SEL1L3: variants seen among roughly 807,000 people sequenced by gnomAD.
SEL1L3 encodes the protein protein sel-1 homolog 3.
In SEL1L3, 76 loss-of-function variants were observed where a neutral mutation model predicts 142.8. That is an observed-to-expected ratio of 0.53 (90% CI 0.44 to 0.64). The LOEUF is 0.64. Ranked by LOEUF, SEL1L3 falls within the 30% of genes least tolerant of loss-of-function variation. The probability of loss-of-function intolerance (pLI) is 0.00; values close to 1 mark genes in which losing one functional copy is unlikely to be tolerated. For missense variants in SEL1L3, 1,262 were observed against 1,381.7 expected, an observed-to-expected ratio of 0.91 and a Z score of 1.37; for synonymous variants, 504 against 519.6, an observed-to-expected ratio of 0.97 and a Z score of 0.41.
chr4:25,839,620 A>G (rs2109297264), intron 2 of SEL1L3, among the ~76,000 whole-genome samples: 1 of 152,286 alleles, frequency 6.6e-6, no homozygotes, highest in Non-Finnish European at 1.5e-5. Flanking sequence ...ACACAACTTA[A>G]CGCTTGTATG....
At chr4:25,724,957 C>G in the SEL1L3 span, among the ~76,000 whole-genome samples, 2 of 151,866 alleles carry the variant, frequency 1.3e-5, no homozygotes, top group African/African-American at 4.8e-5. Flanking sequence ...TCAAATCTGT[C>G]GGGCATGTCT....
the SEL1L3 span, chr4:25,720,104 C>T: frequency 6.6e-6 from 1 of 152,156 alleles, no homozygotes; most frequent in Non-Finnish European, 1.5e-5. Flanking sequence ...ACCAATTCAA[C>T]TCAGTCTAAC....
intron 2 of SEL1L3, among the ~76,000 whole-genome samples, chr4:25,846,857 C>T (rs924981526): frequency 3.0e-5 from 4 of 133,216 alleles, no homozygotes; most frequent in Admixed American, 1.8e-4. Context: ...TGCAGTGAGC[C>T]GAGTGAGATC....
In SEL1L3 at chr4:25,800,667, T is replaced by TA. The variant is rs1206448129; in HGVS notation, c.1956+1615_1956+1616insT. On this transcript the variant is annotated intron_variant, in intron 11 of 23. Coordinates refer to ENST00000399878, the MANE Select transcript of SEL1L3 (RefSeq NM_015187.5). ...AAATTTTTTTAGAACAATTCTTTTTTTAAAAAAAACTTTACCAATTAATAA... is the reference window on the plus strand; with the variant it reads ...AAATTTTTTTAGAACAATTCTTTTTTATAAAAAAAACTTTACCAATTAATAA... Among the ~76,000 whole-genome samples the TA allele has an allele frequency of 2.7e-4, 41 of 152,332 alleles. 1 individual carries two copies. Among genetic ancestry groups the TA allele is most frequent in the Middle Eastern group, 3.4e-3 (1 of 294 alleles).
intron 11 of SEL1L3, among the ~76,000 whole-genome samples, chr4:25,795,911 C>T (rs78830971): frequency 0.029 from 4,307 of 149,324 alleles, 223 homozygotes; most frequent in African/African-American, 0.1. Context: ...CGGGAAGAAG[C>T]TGTGGACTGG....
chr4:25,859,070 G>C (rs929429246), intron 1 of SEL1L3, among the ~76,000 whole-genome samples: 17 of 152,234 alleles, frequency 1.1e-4, no homozygotes, highest in African/African-American at 4.1e-4. Context: ...TTGTTTTCTG[G>C]AAGTGCCATT....
At chr4:25,717,783 AC>A in the SEL1L3 span, among the ~76,000 whole-genome samples, 1 of 152,220 alleles carries the variant, frequency 6.6e-6, no homozygotes, top group Non-Finnish European at 1.5e-5. Context: ...TGGGCAAGTC[AC>A]GTAATCTCTT....
At chr4:25,835,945 C>T (rs1715789225) in intron 2 of SEL1L3, among the ~76,000 whole-genome samples, 2 of 152,184 alleles carry the variant, frequency 1.3e-5, no homozygotes, top group African/African-American at 2.4e-5. Flanking sequence ...TTATTATCCT[C>T]ATTTAACAGA....
At position 25,815,187 on chromosome 4, in the gene SEL1L3, G is replaced by A. The variant is rs947759876; in HGVS notation, c.1564+2951C>T. 6.6e-5 allele frequency among the ~76,000 whole-genome samples: 10 copies of A among 152,206 alleles called. No homozygotes were observed. The East Asian group carries it at 1.9e-3, about 29-fold the overall frequency. On this transcript the variant is annotated intron_variant, in intron 9 of 23. Coordinates refer to ENST00000399878, the MANE Select transcript of SEL1L3 (RefSeq NM_015187.5). ...CCCTCGGGGGAAGCTCCTTGGTGCTGTTCTAATTTGGCACCAGAAGACCCC... is the reference window on the plus strand; with the variant it reads ...CCCTCGGGGGAAGCTCCTTGGTGCTATTCTAATTTGGCACCAGAAGACCCC...
chr4:25,752,996 TCTG>T (rs1183678844), intron 23 of SEL1L3, among the ~76,000 whole-genome samples: 1 of 152,278 alleles, frequency 6.6e-6, no homozygotes, highest in Non-Finnish European at 1.5e-5. Context: ...TACTACTATT[TCTG>T]CTATTTACGG....
At chr4:25,850,857 GT>G (rs530598915) in intron 1 of SEL1L3, among the ~76,000 whole-genome samples, 35 of 146,114 alleles carry the variant, frequency 2.4e-4, no homozygotes, top group Admixed American at 3.4e-4. Context: ...TTGTTTGTTT[GT>G]TTTTTTTTTT....
chr4:25,860,030 G>A (rs779498460), intron 1 of SEL1L3, among the ~76,000 whole-genome samples: 12 of 152,316 alleles, frequency 7.9e-5, no homozygotes, highest in Non-Finnish European at 1.8e-4. Flanking sequence ...TAGAGCTGGG[G>A]CTCTGGAGGG....
chr4:25,762,246 G>A (rs1410623769), intron 20 of SEL1L3, among the ~76,000 whole-genome samples: 1 of 152,194 alleles, frequency 6.6e-6, no homozygotes, highest in African/African-American at 2.4e-5. Flanking sequence ...ACTGTGCCCG[G>A]CCTCATAAAA....
intron 21 of SEL1L3, among the ~76,000 whole-genome samples, chr4:25,758,291 T>C (rs1351747899): frequency 2.0e-5 from 3 of 152,108 alleles, no homozygotes; most frequent in East Asian, 1.9e-4. Flanking sequence ...GCCATCATGG[T>C]GAAACCCTGT....
rs762303236 is a variant in SEL1L3, at chr4:25,749,560, C to T, written c.3260-996G>A. Among the ~76,000 whole-genome samples, 8 of 152,294 alleles carry T rather than the reference C, an allele frequency of 5.3e-5. No homozygotes were observed. In the South Asian group the frequency reaches 1.5e-3, roughly 28 times the overall value. On this transcript the variant is annotated intron_variant, in intron 23 of 23. Coordinates refer to ENST00000399878, the MANE Select transcript of SEL1L3 (RefSeq NM_015187.5). ...ACTGCACAAGCCCCCCACAGCCCGGCCTAATTTTAAAGTGGCCTCTTTGTC... is the reference window on the plus strand; with the variant it reads ...ACTGCACAAGCCCCCCACAGCCCGGTCTAATTTTAAAGTGGCCTCTTTGTC...
intron 11 of SEL1L3, among the ~76,000 whole-genome samples, chr4:25,801,859 G>C (rs558546416): frequency 3.3e-5 from 5 of 152,138 alleles, no homozygotes; most frequent in African/African-American, 1.2e-4. Flanking sequence ...GACATTGCTT[G>C]CTCATCACAC....
At position 25,847,530 on chromosome 4, in the gene SEL1L3, A is replaced by G. The variant is rs1469911246; in HGVS notation, c.497T>C (p.Ile166Thr). The change falls in exon 2 of 24, where the codon ATC becomes ACC. Residue 166 changes from isoleucine (I) to threonine (T), a missense_variant. Physicochemically the swap from Ile to Thr is moderately conservative, Grantham distance 89 (BLOSUM62 -1). Transcript: ENST00000399878. ...YRDDYFIRHS[I>T]SVSAVIVRAW... ...GCGTACTATCACTGCAGATACAGAG[A>G]TGGAATGTCTGATGAAATAATCATC... The G allele has an allele frequency of 6.2e-7, 1 of 1,613,890 alleles. No individual in the cohort carries two copies. The highest frequency in any genetic ancestry group is 8.5e-7 in the Non-Finnish European group (1 of 1,179,762).
Position 25,788,327 on chromosome 4 carries a change from C to A in SEL1L3, c.2114G>T (p.Gly705Val), listed in dbSNP as rs1486588721. Residue 705 changes from glycine to valine, a missense_variant, in exon 13 of 24, where the codon GGT becomes GTT. Around this residue, in one of 3 missense-constraint regions of SEL1L3, gnomAD observed 435 missense variants for 559.2 expected, o/e 0.78. Transcript: ENST00000399878. The surrounding 1 kb of genome is among the most constrained non-coding windows in gnomAD (Gnocchi z 5.3). ...TGCTGCTTCGGGATTCTTGGCCACA[C>A]CTTGCTGCCCCCAGAACAGCATCTG... ...LAQMLFWGQQ[G>V]VAKNPEAAIE... is the part of the protein sequence containing the mutation. The A allele has an allele frequency of 2.5e-6, 4 of 1,613,970 alleles. No individual in the cohort carries two copies. Among genetic ancestry groups the A allele is most frequent in the Non-Finnish European group, 3.4e-6 (4 of 1,179,876 alleles).
rs189848375 is a variant in SEL1L3 at position 25,775,060 on chromosome 4, G to C, written c.2669+1217C>G. On this transcript the variant is annotated intron_variant, in intron 17 of 23. Coordinates refer to ENST00000399878, the MANE Select transcript of SEL1L3 (RefSeq NM_015187.5). Reference sequence around the variant, plus strand: ...GTTTGTAGGGAGCAGAGGGTGGGAGGTTGGGAAAGCGAGAAGCAGAGAATG... The same window carrying C: ...GTTTGTAGGGAGCAGAGGGTGGGAGCTTGGGAAAGCGAGAAGCAGAGAATG... 9.1e-4 allele frequency among the ~76,000 whole-genome samples: 139 copies of C among 152,310 alleles called. 1 individual carries two copies. The highest frequency in any genetic ancestry group is 2.7e-3 in the Admixed American group (42 of 15,300).
Sources: gnomAD v4.1 joint callset for allele counts (sites outside exome capture counted in the v4.1 genomes callset) on GRCh38, gnomAD v4.1.1 for gene constraint, gnomAD v4.1.1 regional missense constraint, Gnocchi (gnomAD v3.1) non-coding constraint, MANE v1.5 for transcripts, NCBI Gene and HGNC (gene_info 2026-07-23, HGNC 2026-07-21) for gene names.